PRKG1: variants seen among roughly 807,000 people sequenced by gnomAD.
PRKG1 encodes cGMP-dependent protein kinase 1.
In PRKG1, 35 loss-of-function variants were observed where a neutral mutation model predicts 88.1. The observed-to-expected ratio is 0.40, with a 90% CI of 0.30 to 0.53. The LOEUF (loss-of-function observed/expected upper bound fraction) is 0.53, where lower values mean the gene tolerates loss of function less well. Ranked by LOEUF, PRKG1 falls within the 20% of genes least tolerant of loss-of-function variation. PRKG1 has a pLI of 0.59. For missense variants in PRKG1, 540 were observed against 839.8 expected (o/e 0.64, Z 4.41); for synonymous variants, 303 against 292.5 (o/e 1.04, Z -0.37).
chr10:51,153,184 A>C lies in PRKG1; in HGVS notation c.332A>C (p.Glu111Ala). ...KSPQSKDLIKEAILDNDFMKN... is the reference protein window; with the variant it reads ...KSPQSKDLIKAAILDNDFMKN... ...CATAGGTCCAAGGATCTTATAAAGG[A>C]AGCTATCCTTGACAATGACTTTATG... The change falls in exon 2 of 18, where the codon GAA (glutamate) becomes GCA (alanine). Residue 111 changes from glutamate to alanine, a missense_variant. Coordinates refer to ENST00000373980, the MANE Select transcript of PRKG1 (RefSeq NM_006258.4). 1 of 1,612,094 alleles carries C rather than the reference A, an allele frequency of 6.2e-7. No homozygotes were observed. Among genetic ancestry groups the C allele is most frequent in the South Asian group, 1.1e-5 (1 of 90,986 alleles).
chr10:52,134,594 G>A (rs1564483951), intron 8 of PRKG1, among the ~76,000 whole-genome samples: 1 of 152,150 alleles, frequency 6.6e-6, no homozygotes, highest in African/African-American at 2.4e-5. Flanking sequence ...AGTGGAACAG[G>A]CTTTTCTTCC....
intron 2 of PRKG1, among the ~76,000 whole-genome samples, chr10:51,442,823 C>G (rs916310860): frequency 2.0e-5 from 3 of 152,026 alleles, no homozygotes; most frequent in Non-Finnish European, 4.4e-5. Flanking sequence ...CATAGCCAAC[C>G]TCTTAGTGGC....
chr10:51,100,655 A>T (rs567725559), intron 1 of PRKG1, among the ~76,000 whole-genome samples: 4 of 142,246 alleles, frequency 2.8e-5, no homozygotes, highest in Non-Finnish European at 6.3e-5. Context: ...AGGCTTCACT[A>T]AAGACTTACA....
chr10:51,806,773 A>G (rs10762409), intron 4 of PRKG1, among the ~76,000 whole-genome samples: 97,454 of 151,948 alleles, frequency 0.64, 31,501 homozygotes, highest in Middle Eastern at 0.73. Context: ...AGGCCCTCCT[A>G]TAGCCAAAAA....
chr10:52,140,799 G>A (rs997066031), intron 8 of PRKG1, among the ~76,000 whole-genome samples: 1 of 126,446 alleles, frequency 7.9e-6, no homozygotes, highest in African/African-American at 2.5e-5. Context: ...GTCTCAGGAA[G>A]GAACATGCAC....
intron 3 of PRKG1, among the ~76,000 whole-genome samples, chr10:51,791,896 A>C (rs1009128309): frequency 1.3e-5 from 2 of 152,152 alleles, no homozygotes; most frequent in African/African-American, 2.4e-5. Flanking sequence ...TTTGGAAACT[A>C]TGCATTCAGT....
At chr10:51,821,909 T>A (rs1839756531) in intron 4 of PRKG1, among the ~76,000 whole-genome samples, 1 of 151,874 alleles carries the variant, frequency 6.6e-6, no homozygotes, top group Admixed American at 6.6e-5. Context: ...CCTCAAAAAA[T>A]TAAAAATAGA....
intron 1 of PRKG1, among the ~76,000 whole-genome samples, chr10:51,099,458 A>G (rs1844624691): frequency 1.3e-5 from 2 of 151,740 alleles, no homozygotes; most frequent in Non-Finnish European, 1.5e-5. Flanking sequence ...CATTGCAACA[A>G]TGGATGATTT....
At chr10:51,923,129 C>T (rs1421505728) in intron 5 of PRKG1, among the ~76,000 whole-genome samples, 1 of 151,956 alleles carries the variant, frequency 6.6e-6, no homozygotes, top group Non-Finnish European at 1.5e-5. Context: ...ACAATTGATC[C>T]TTTATCATTA....
chr10:51,958,377 T>G (rs1191681425), intron 5 of PRKG1, among the ~76,000 whole-genome samples: 1 of 152,020 alleles, frequency 6.6e-6, no homozygotes, highest in Non-Finnish European at 1.5e-5. Flanking sequence ...ATGAACGAAG[T>G]TGATATGTTA....
chr10:51,979,884 T>C (rs1455358651), intron 5 of PRKG1, among the ~76,000 whole-genome samples: 1 of 152,098 alleles, frequency 6.6e-6, no homozygotes, highest in Non-Finnish European at 1.5e-5. Flanking sequence ...CTCTCTTTTG[T>C]TTTTTATTAG....
intron 5 of PRKG1, among the ~76,000 whole-genome samples, chr10:51,970,736 A>T (rs896711881): frequency 1.6e-5 from 2 of 122,926 alleles, no homozygotes; most frequent in African/African-American, 9.4e-5. Flanking sequence ...GATATATCAG[A>T]TTATATATAT....
chr10:51,923,528 G>A (rs1842507191), intron 5 of PRKG1, among the ~76,000 whole-genome samples: 1 of 148,850 alleles, frequency 6.7e-6, no homozygotes, highest in Non-Finnish European at 1.5e-5. Context: ...ACTAATTTTA[G>A]CATATTACTT....
At chr10:52,168,526 G>A (rs558786976) in intron 9 of PRKG1, among the ~76,000 whole-genome samples, 5 of 152,260 alleles carry the variant, frequency 3.3e-5, no homozygotes, top group Admixed American at 3.3e-4. Flanking sequence ...GCCACATTAA[G>A]AAATCAGGAA....
At chr10:52,073,124 TTAGTTTCTGTCACTG>T (rs1846543037) in intron 7 of PRKG1, among the ~76,000 whole-genome samples, 1 of 152,148 alleles carries the variant, frequency 6.6e-6, no homozygotes. Flanking sequence ...CTACATCACT[TTAGTTTCTGTCACTG>T]TCTTCACATG....
chr10:51,930,801 T>C (rs1014258242), intron 5 of PRKG1, among the ~76,000 whole-genome samples: 5 of 152,190 alleles, frequency 3.3e-5, no homozygotes, highest in African/African-American at 1.2e-4. Flanking sequence ...AAAATGAACA[T>C]TCTTTTAGAA....
At chr10:51,566,580 G>A (rs1837610680) in intron 3 of PRKG1, among the ~76,000 whole-genome samples, 1 of 152,002 alleles carries the variant, frequency 6.6e-6, no homozygotes, top group South Asian at 2.1e-4. Flanking sequence ...AATGTAATGG[G>A]GTTGGGGTGG....
At chr10:51,628,575 G>A (rs1415517343) in intron 3 of PRKG1, among the ~76,000 whole-genome samples, 1 of 152,156 alleles carries the variant, frequency 6.6e-6, no homozygotes, top group Non-Finnish European at 1.5e-5. Flanking sequence ...CACCTTTAAA[G>A]TTTTCCTATT....
intron 3 of PRKG1, among the ~76,000 whole-genome samples, chr10:51,740,928 G>GAA (rs111889565): frequency 1.6e-5 from 2 of 121,304 alleles, no homozygotes; most frequent in African/African-American, 5.4e-5. Context: ...TCCCAAAACT[G>GAA]AAAAAAAAAA....
Sources: allele counts gnomAD v4.1 joint callset (sites outside exome capture counted in the v4.1 genomes callset), GRCh38; gene constraint gnomAD v4.1.1; transcripts MANE v1.5; gene names NCBI Gene and HGNC (gene_info 2026-07-23, HGNC 2026-07-21).